The following FBXO46 variants were observed in gnomAD, a reference collection of about 807,000 sequenced individuals.
FBXO46 encodes the protein F-box protein 46, also known as F-box only protein 46.
Under a neutral mutation model 30.7 loss-of-function variants are expected in FBXO46, and 13 were observed. The observed-to-expected ratio is 0.42, with a 90% CI of 0.28 to 0.67. The LOEUF (loss-of-function observed/expected upper bound fraction) is 0.67, where lower values mean the gene tolerates loss of function less well. FBXO46 is among the 30% of genes least tolerant of loss of function. The pLI is 0.21. For synonymous variants in FBXO46, 467 were observed against 385.8 expected, an observed-to-expected ratio of 1.21 and a Z score of -2.47; for missense variants, 754 against 871.5, an observed-to-expected ratio of 0.87 and a Z score of 1.70.
upstream of FBXO46, among the ~76,000 whole-genome samples, chr19:45,732,705 C>T (rs113123197): frequency 0.019 from 2,827 of 148,950 alleles, 92 homozygotes; most frequent in African/African-American, 0.066. Context: ...ATTCTCCTGC[C>T]TCAGCCTCTG....
Position 45,711,669 on chromosome 19 carries a change from T to A in FBXO46, c.*15A>T. On this transcript the variant is annotated 3_prime_UTR_variant, in exon 2 of 2. Coordinates refer to ENST00000317683, the MANE Select transcript of FBXO46 (RefSeq NM_001080469.2). ...GGGGTGGGCGTGGTGGGCTCTCCCCTCCCCTCCCCCGGCTTCACCTCCCCT... is the reference window on the plus strand; with the variant it reads ...GGGGTGGGCGTGGTGGGCTCTCCCCACCCCTCCCCCGGCTTCACCTCCCCT... 3.7e-5 allele frequency: 53 copies of A among 1,437,068 alleles called. No homozygotes were observed. The highest frequency in any genetic ancestry group is 1.8e-4 in the Middle Eastern group (1 of 5,616). The allele number at this position is 1,437,068 out of a possible 1,614,324, so 89.0% of individuals were successfully genotyped here.
intron 1 of FBXO46, among the ~76,000 whole-genome samples, chr19:45,723,982 T>TA (rs1416296194): frequency 1.3e-5 from 2 of 152,154 alleles, no homozygotes; most frequent in South Asian, 2.1e-4. Context: ...TTAAACGTGG[T>TA]AAAAAATACA....
chr19:45,719,044 T>G (rs1458602580), intron 1 of FBXO46, among the ~76,000 whole-genome samples: 2 of 147,476 alleles, frequency 1.4e-5, no homozygotes, highest in Non-Finnish European at 3.0e-5. Context: ...AGCTCAGGAG[T>G]CTGCGACCAG....
In FBXO46 at chr19:45,712,237, G is replaced by A. The variant is rs892221014; in HGVS notation, c.1259C>T (p.Pro420Leu). The A allele has an allele frequency of 6.2e-7, 1 of 1,604,584 alleles. No individual in the cohort carries two copies. The highest frequency in any genetic ancestry group is 8.5e-7 in the Non-Finnish European group (1 of 1,178,016). Residue 420 changes from proline to leucine, a missense_variant, in exon 2 of 2, where the codon CCG becomes CTG. Physicochemically the swap from Pro to Leu is moderately conservative, Grantham distance 98 (BLOSUM62 -3). Around this residue, in one of 5 missense-constraint regions of FBXO46, gnomAD observed 454 missense variants for 426.5 expected, o/e 1.06. Coordinates refer to ENST00000317683, the MANE Select transcript of FBXO46 (RefSeq NM_001080469.2). The surrounding 1 kb of genome is among the most constrained non-coding windows in gnomAD (Gnocchi z 8.8). ...FLQNRGPDGP[P>L]EPPPADSPAT... is the part of the protein sequence containing the mutation. ...CGGGGAGTCGGCCGGGGGTGGCTCCGGGGGCCCGTCCGGCCCGCGGTTCTG... is the reference window on the plus strand; with the variant it reads ...CGGGGAGTCGGCCGGGGGTGGCTCCAGGGGCCCGTCCGGCCCGCGGTTCTG...
At position 45,710,732 on chromosome 19, in the gene FBXO46, AAC is replaced by A. The variant is rs1208366241; in HGVS notation, c.*950_*951del. 1.3e-5 allele frequency: 2 copies of A among 152,410 alleles called. No individual in the cohort carries two copies. Among genetic ancestry groups the A allele is most frequent in the African/African-American group, 4.8e-5 (2 of 41,450 alleles). 9.4% of individuals were successfully genotyped at this position (152,410 alleles called of 1,614,324 possible). ...TGGAAAGAAAAAAAAGAAAACAAAA[AAC>A]AGAGAGAACAAACAAAAATACCCCA... On this transcript the variant is annotated 3_prime_UTR_variant, in exon 2 of 2. Coordinates refer to ENST00000317683, the MANE Select transcript of FBXO46 (RefSeq NM_001080469.2).
In FBXO46 at chr19:45,713,794, C is replaced by T. The variant is rs1464727362; in HGVS notation, c.-78-221G>A. Among the ~76,000 whole-genome samples, 1 of 151,808 alleles carries T rather than the reference C, an allele frequency of 6.6e-6. No homozygotes were observed. The highest frequency in any genetic ancestry group is 2.4e-5 in the African/African-American group (1 of 41,284). On this transcript the variant is annotated intron_variant, in intron 1 of 1. Coordinates refer to ENST00000317683, the MANE Select transcript of FBXO46 (RefSeq NM_001080469.2). The surrounding 1 kb of genome is among the most constrained non-coding windows in gnomAD (Gnocchi z 4.7). The stretch of plus-strand genomic sequence containing the variant: ...ACCAGCCTGGCCAACATGGTGATAC[C>T]CCATCTCTACTAAAAATACAAAAAT...
chr19:45,727,690 TA>T (rs1968256914), intron 1 of FBXO46, among the ~76,000 whole-genome samples: 2 of 152,264 alleles, frequency 1.3e-5, no homozygotes, highest in South Asian at 4.1e-4. Context: ...ATAAGCTTAC[TA>T]TCACAGCCAA....
rs745514753 is a variant in FBXO46 at position 45,712,805 on chromosome 19, C to T, written c.691G>A (p.Val231Met). 4.3e-6 allele frequency: 7 copies of T among 1,612,140 alleles called. No homozygotes were observed. The highest frequency in any genetic ancestry group is 1.7e-5 in the Admixed American group (1 of 59,874). ...GGDCSRVAEA[V>M]AHFEAQRDSP... ...TCCCTCTGCGCTTCAAAGTGGGCCA[C>T]GGCCTCGGCTACACGGCTGCAGTCC... Residue 231 changes from valine to methionine, a missense_variant, in exon 2 of 2, where the codon GTG becomes ATG. By Grantham distance (21) the Val-to-Met change is conservative. Around this residue, in one of 5 missense-constraint regions of FBXO46, gnomAD observed 454 missense variants for 426.5 expected, o/e 1.06. Coordinates refer to ENST00000317683, the MANE Select transcript of FBXO46 (RefSeq NM_001080469.2). This position sits in a 1 kb window ranked among gnomAD's most constrained non-coding sequence, Gnocchi z 8.8.
intron 1 of FBXO46, among the ~76,000 whole-genome samples, chr19:45,724,139 C>T (rs184091785): frequency 7.2e-5 from 11 of 152,154 alleles, no homozygotes; most frequent in Admixed American, 2.6e-4. Flanking sequence ...GGAAAGCAGA[C>T]AAATGCTCTA....
At position 45,712,797 on chromosome 19, in the gene FBXO46, G is replaced by A. The variant is rs1342786862; in HGVS notation, c.699C>T (p.His233=). The part of the protein sequence containing the change: ...DCSRVAEAVA[H]FEAQRDSPPT... The stretch of plus-strand genomic sequence containing the variant: ...GAGGGCTGTCCCTCTGCGCTTCAAA[G>A]TGGGCCACGGCCTCGGCTACACGGC... The change falls in exon 2 of 2, where the codon CAC becomes CAT. Residue 233 remains histidine, a synonymous_variant. Transcript: ENST00000317683. The surrounding 1 kb of genome is among the most constrained non-coding windows in gnomAD (Gnocchi z 8.8). 5.6e-6 allele frequency: 9 copies of A among 1,612,098 alleles called. No homozygotes were observed. The highest frequency in any genetic ancestry group is 7.6e-6 in the Non-Finnish European group (9 of 1,179,054).
chr19:45,719,468 C>T (rs983618850), intron 1 of FBXO46, among the ~76,000 whole-genome samples: 1 of 152,082 alleles, frequency 6.6e-6, no homozygotes, highest in African/African-American at 2.4e-5. Context: ...CATCTCTACA[C>T]ATGACAGCCA....
rs1179192789 is a variant in FBXO46, at chr19:45,713,668, A to G, written c.-78-95T>C. On this transcript the variant is annotated intron_variant, in intron 1 of 1. Transcript: ENST00000317683. The surrounding 1 kb of genome is among the most constrained non-coding windows in gnomAD (Gnocchi z 4.7). The stretch of plus-strand genomic sequence containing the variant: ...ACCTCTCCTTAGACCAAACCAGACC[A>G]TCAAGAACTCTATTCCTGGCTGGGC... The G allele has an allele frequency of 3.6e-6, 2 of 558,818 alleles. No individual in the cohort carries two copies. The highest frequency in any genetic ancestry group is 3.4e-5 in the Admixed American group (1 of 29,222). The allele number at this position is 558,818 out of a possible 1,614,324, so 34.6% of individuals were successfully genotyped here. A position where few individuals can be genotyped will look rare whatever the true frequency, so the allele number is the denominator to read the frequency against.
At chr19:45,726,681 C>A (rs1968244592) in intron 1 of FBXO46, among the ~76,000 whole-genome samples, 1 of 151,814 alleles carries the variant, frequency 6.6e-6, no homozygotes, top group Admixed American at 6.6e-5. Context: ...TGAATTTTCC[C>A]TGTGTTGCCC....
In FBXO46 at chr19:45,712,138, G is replaced by T; in HGVS notation, c.1358C>A (p.Ser453Ter). ...GAAGCGGATCTCTAGGAAGTCGTGC[G>T]ACACGTGCCGGTACAAGCGGCACAG... ...TSLCRLYRHV[S>*]HDFLEIRFKI... The change falls in exon 2 of 2, where the codon TCG becomes TAG. Residue 453 changes from serine to a stop codon, truncating the protein, a stop_gained. Coordinates refer to ENST00000317683, the MANE Select transcript of FBXO46 (RefSeq NM_001080469.2). LOFTEE classifies it high-confidence loss of function. This position sits in a 1 kb window ranked among gnomAD's most constrained non-coding sequence, Gnocchi z 8.8. The T allele has an allele frequency of 6.3e-7, 1 of 1,594,328 alleles. No individual in the cohort carries two copies. The highest frequency in any genetic ancestry group is 2.3e-5 in the East Asian group (1 of 43,822).
chr19:45,725,514 T>C (rs1343364852), intron 1 of FBXO46, among the ~76,000 whole-genome samples: 1 of 151,994 alleles, frequency 6.6e-6, no homozygotes, highest in Non-Finnish European at 1.5e-5. Context: ...GTCGACAGCT[T>C]GAGTCTCATT....
rs760199564 is a variant in FBXO46, at chr19:45,713,379, C to A, written c.117G>T (p.Glu39Asp). The A allele has an allele frequency of 6.2e-7, 1 of 1,612,264 alleles. No homozygotes were observed. The highest frequency in any genetic ancestry group is 1.7e-5 in the Admixed American group (1 of 59,946). ...SAALKPSACP[E>D]PGGGAEPDHG... ...GGTCTGGCTCGGCCCCGCCACCAGG[C>A]TCAGGGCAGGCTGATGGCTTGAGGG... Residue 39 changes from glutamate to aspartate, a missense_variant, in exon 2 of 2, where the codon GAG becomes GAT. By Grantham distance (45) the Glu-to-Asp change is conservative. Around this residue, in one of 5 missense-constraint regions of FBXO46, gnomAD observed 97 missense variants for 113.0 expected, o/e 0.86. Transcript: ENST00000317683. The surrounding 1 kb of genome is among the most constrained non-coding windows in gnomAD (Gnocchi z 4.7).
chr19:45,729,032 C>T (rs1968274940), intron 1 of FBXO46, among the ~76,000 whole-genome samples: 1 of 151,982 alleles, frequency 6.6e-6, no homozygotes, highest in East Asian at 1.9e-4. Flanking sequence ...ATTGCTTGAA[C>T]CCGGGAGGCG....
At chr19:45,715,150 C>T (rs1435418405) in intron 1 of FBXO46, 3 of 152,196 alleles carry the variant, frequency 2.0e-5, no homozygotes, top group Non-Finnish European at 2.9e-5. Context: ...GCGCATGAGT[C>T]CGACATGATC....
At position 45,711,818 on chromosome 19, in the gene FBXO46, G is replaced by A. The variant is rs777632716; in HGVS notation, c.1678C>T (p.Arg560Cys). 1.2e-6 allele frequency: 2 copies of A among 1,612,892 alleles called. No individual in the cohort carries two copies. Among genetic ancestry groups the A allele is most frequent in the Non-Finnish European group, 1.7e-6 (2 of 1,179,616 alleles). Reference protein sequence around the residue: ...KPYHHDLPYGRSYWMCCRRAD... With the variant: ...KPYHHDLPYGCSYWMCCRRAD... ...CGACGGCAGCACATCCAGTAGGAACGTCCGTAAGGCAGGTCATGGTGGTAG... is the reference window on the plus strand; with the variant it reads ...CGACGGCAGCACATCCAGTAGGAACATCCGTAAGGCAGGTCATGGTGGTAG... The change falls in exon 2 of 2, where the codon CGT (arginine) becomes TGT (cysteine). Residue 560 changes from arginine (R) to cysteine (C), a missense_variant. This residue lies in a region of FBXO46 where 162 missense variants were observed against 258.7 expected (regional missense o/e 0.63). Coordinates refer to ENST00000317683, the MANE Select transcript of FBXO46 (RefSeq NM_001080469.2).
Sources: gnomAD v4.1 joint callset for allele counts (sites outside exome capture counted in the v4.1 genomes callset) on GRCh38, gnomAD v4.1.1 for gene constraint, gnomAD v4.1.1 regional missense constraint, Gnocchi (gnomAD v3.1) non-coding constraint, MANE v1.5 for transcripts, NCBI Gene and HGNC (gene_info 2026-07-23, HGNC 2026-07-21) for gene names.